The following CTIF variants were observed in gnomAD, a reference collection of about 807,000 sequenced individuals.
CTIF encodes the protein cap binding complex dependent translation initiation factor, also known as CBP80/20-dependent translation initiation factor.
In CTIF, 21 loss-of-function variants were observed where a neutral mutation model predicts 66.0. The ratio of observed to expected loss-of-function variants is 0.32; its 90% CI spans 0.23 to 0.46. The LOEUF (loss-of-function observed/expected upper bound fraction) is 0.46. Ranked by LOEUF, CTIF falls within the 20% of genes least tolerant of loss-of-function variation. CTIF has a pLI of 1.00. For synonymous variants in CTIF, 345 were observed against 326.4 expected (o/e 1.06, Z -0.62); for missense variants, 739 against 812.7 (o/e 0.91, Z 1.10).
intron 8 of CTIF, chr18:48,760,185 C>CTTTTTTTT (rs949378479): frequency 6.8e-5 from 9 of 132,930 alleles, no homozygotes; most frequent in African/African-American, 2.5e-4. Context: ...TCAGCCCTTT[C>CTTTTTTTT]TTTTTTTTTT....
chr18:48,680,080 G>T (rs1323555180), intron 6 of CTIF, among the ~76,000 whole-genome samples: 1 of 152,226 alleles, frequency 6.6e-6, no homozygotes, highest in Non-Finnish European at 1.5e-5. Flanking sequence ...GGATTCAGAA[G>T]CCGTGGGACA....
chr18:48,649,325 C>T (rs143702808), intron 3 of CTIF, among the ~76,000 whole-genome samples: 192 of 152,372 alleles, frequency 1.3e-3, no homozygotes, highest in African/African-American at 4.5e-3. Context: ...CAGCGGGTCC[C>T]ATGCCCATAG....
chr18:48,797,613 T>C (rs751433552), intron 9 of CTIF, among the ~76,000 whole-genome samples: 5 of 151,194 alleles, frequency 3.3e-5, no homozygotes, highest in African/African-American at 4.9e-5. Context: ...CTTATCCTGA[T>C]GGTGCGGTGT....
chr18:48,837,292 G>C (rs1274240966), intron 10 of CTIF, among the ~76,000 whole-genome samples: 1 of 152,178 alleles, frequency 6.6e-6, no homozygotes, highest in Non-Finnish European at 1.5e-5. Context: ...CTCACAGGGT[G>C]GGGGCGAGAA....
At chr18:48,605,182 T>C (rs1355002795) in intron 1 of CTIF, among the ~76,000 whole-genome samples, 1 of 152,208 alleles carries the variant, frequency 6.6e-6, no homozygotes, top group Non-Finnish European at 1.5e-5. Context: ...GTTTAATGGT[T>C]CAAGAAATTG....
At chr18:48,733,531 A>G (rs1598946642) in intron 7 of CTIF, among the ~76,000 whole-genome samples, 1 of 152,166 alleles carries the variant, frequency 6.6e-6, no homozygotes, top group South Asian at 2.1e-4. Context: ...GTGGCTGGGG[A>G]GGAGTTACAG....
intron 1 of CTIF, among the ~76,000 whole-genome samples, chr18:48,574,911 G>T (rs1179502728): frequency 1.3e-5 from 2 of 152,196 alleles, no homozygotes; most frequent in African/African-American, 4.8e-5. Flanking sequence ...AAAATGGGGA[G>T]AATAGAAATA....
rs750127216 is a variant in CTIF, at chr18:48,761,605, C to T, written c.1287C>T (p.Phe429=). Reference sequence around the variant, plus strand: ...CTGTGTCCGACCGCAGCTTCGCCTTCACCGCTGCCAAGCTCTGCGACAAGA... The same window carrying T: ...CTGTGTCCGACCGCAGCTTCGCCTTTACCGCTGCCAAGCTCTGCGACAAGA... ...QKAVSDRSFA[F]TAAKLCDKMA... Residue 429 remains phenylalanine (F), a synonymous_variant, in exon 9 of 12, where the codon TTC becomes TTT. Transcript: ENST00000256413. This position sits in a 1 kb window ranked among gnomAD's most constrained non-coding sequence, Gnocchi z 4.2. 1.1e-5 allele frequency: 18 copies of T among 1,614,222 alleles called. No individual in the cohort carries two copies. The highest frequency in any genetic ancestry group is 1.4e-5 in the Non-Finnish European group (16 of 1,180,036).
At chr18:48,655,662 A>C (rs9952883) in intron 3 of CTIF, among the ~76,000 whole-genome samples, 88,475 of 151,494 alleles carry the variant, frequency 0.58, 28,606 homozygotes, top group East Asian at 0.85. Context: ...GCACTGTATC[A>C]GGGGGTTTCC....
intron 7 of CTIF, among the ~76,000 whole-genome samples, chr18:48,744,998 A>G (rs985707658): frequency 1.3e-5 from 2 of 151,830 alleles, no homozygotes; most frequent in African/African-American, 4.8e-5. Context: ...AATTTTTTGT[A>G]TTTTTAGTAG....
At chr18:48,749,722 T>G (rs1907612170) in intron 7 of CTIF, among the ~76,000 whole-genome samples, 1 of 152,246 alleles carries the variant, frequency 6.6e-6, no homozygotes, top group African/African-American at 2.4e-5. Context: ...CACAGAGCAG[T>G]TAAGGAACTT....
At chr18:48,664,693 C>T (rs2091406614) in intron 5 of CTIF, 142 bp downstream of exon 5, 2 of 669,566 alleles carry the variant, frequency 3.0e-6, no homozygotes, top group Non-Finnish European at 5.1e-6. Flanking sequence ...CGTCCCAGAG[C>T]TGCAGGCTCA....
chr18:48,696,012 C>T (rs1391690978), intron 6 of CTIF, among the ~76,000 whole-genome samples: 2 of 152,232 alleles, frequency 1.3e-5, no homozygotes, highest in East Asian at 3.8e-4. Flanking sequence ...GCTAGTAGAA[C>T]CTTTTGAAAA....
chr18:48,604,040 G>A (rs910903478), intron 1 of CTIF, among the ~76,000 whole-genome samples: 2 of 150,998 alleles, frequency 1.3e-5, no homozygotes, highest in Non-Finnish European at 1.5e-5. Flanking sequence ...TAGAGATGGG[G>A]TTTCACCATG....
intron 9 of CTIF, among the ~76,000 whole-genome samples, chr18:48,778,739 G>A (rs568902719): frequency 9.2e-5 from 14 of 152,270 alleles, no homozygotes; most frequent in Non-Finnish European, 1.8e-4. Context: ...ACACTTCATT[G>A]AAATGCCAGC....
rs947976902 is a variant in CTIF, at chr18:48,625,192, G to C, written c.180+5447G>C. ...TTCCTGATGTCTTTGCTCACAGGAG[G>C]AAGTACTCAATGGTGGACCACCCAT... On this transcript the variant is annotated intron_variant, in intron 2 of 11. Transcript: ENST00000256413. 6 of 984,422 alleles carry C rather than the reference G, an allele frequency of 6.1e-6. No homozygotes were observed. The African/African-American group carries it at 7.0e-5, about 11-fold the overall frequency. 61.0% of individuals were successfully genotyped at this position (984,422 alleles called of 1,614,324 possible).
intron 1 of CTIF, among the ~76,000 whole-genome samples, chr18:48,594,527 A>T (rs1401761325): frequency 6.6e-6 from 1 of 152,060 alleles, no homozygotes; most frequent in Non-Finnish European, 1.5e-5. Flanking sequence ...CATTTAGGGC[A>T]GCGTAGGGAT....
At chr18:48,575,706 G>A (rs905612507) in intron 1 of CTIF, among the ~76,000 whole-genome samples, 13 of 152,216 alleles carry the variant, frequency 8.5e-5, no homozygotes, top group Admixed American at 3.9e-4. Flanking sequence ...GACCGGGGCC[G>A]TCCTAAAGCC....
At chr18:48,793,052 G>A (rs576516395) in intron 9 of CTIF, among the ~76,000 whole-genome samples, 1 of 152,044 alleles carries the variant, frequency 6.6e-6, no homozygotes, top group Non-Finnish European at 1.5e-5. Context: ...TAGAGCAGAA[G>A]CTGTGTCTCC....
Sources: allele counts gnomAD v4.1 joint callset (sites outside exome capture counted in the v4.1 genomes callset), GRCh38; gene constraint gnomAD v4.1.1; non-coding constraint Gnocchi (gnomAD v3.1); transcripts MANE v1.5; gene names NCBI Gene and HGNC (gene_info 2026-07-23, HGNC 2026-07-21).